Variants in RGS6 observed in about 807,000 individuals in gnomAD.
RGS6 encodes regulator of G-protein signaling 6.
In RGS6, 30 loss-of-function variants were observed where a neutral mutation model predicts 78.5. That is an observed-to-expected ratio of 0.38 (90% CI 0.29 to 0.52). The LOEUF (loss-of-function observed/expected upper bound fraction) is 0.52, where lower values mean the gene tolerates loss of function less well. RGS6 is among the 20% of genes least tolerant of loss of function. RGS6 has a pLI of 0.85. For synonymous variants in RGS6, 206 were observed against 206.0 expected (o/e 1.00, Z 0.00); for missense variants, 495 against 609.7 (o/e 0.81, Z 1.98).
At chr14:71,886,859 A>G in the RGS6 span, among the ~76,000 whole-genome samples, 2,159 of 152,166 alleles carry the variant, frequency 0.014, 56 homozygotes, top group African/African-American at 0.049. Flanking sequence ...GGACACCTCA[A>G]TGCAAGAGAT....
chr14:72,278,612 A>C (rs2061074487), intron 2 of RGS6, among the ~76,000 whole-genome samples: 1 of 152,176 alleles, frequency 6.6e-6, no homozygotes, highest in Admixed American at 6.5e-5. Context: ...ATATACATTT[A>C]TATATGTTTT....
the RGS6 span, among the ~76,000 whole-genome samples, chr14:71,905,147 C>T: frequency 6.6e-6 from 1 of 152,188 alleles, no homozygotes; most frequent in Non-Finnish European, 1.5e-5. Context: ...TCACTCTCTG[C>T]CCTTGATCAG....
chr14:71,977,187 G>A (rs1360796422), intron 2 of RGS6, among the ~76,000 whole-genome samples: 39 of 100,706 alleles, frequency 3.9e-4, no homozygotes, highest in Middle Eastern at 4.5e-3. Context: ...AGTAGGTTGC[G>A]AAAATTTTCT....
At chr14:72,028,255 G>A (rs974570430) in intron 2 of RGS6, among the ~76,000 whole-genome samples, 1 of 152,160 alleles carries the variant, frequency 6.6e-6, no homozygotes, top group Non-Finnish European at 1.5e-5. Context: ...GATATGTTCT[G>A]CGTGTTCACA....
intron 17 of RGS6, among the ~76,000 whole-genome samples, chr14:72,551,497 G>A (rs1050501435): frequency 1.3e-5 from 2 of 152,178 alleles, no homozygotes; most frequent in East Asian, 1.9e-4. Context: ...TGTCAAAAAC[G>A]TGGCAGGGAC....
chr14:71,910,498 G>A, the RGS6 span, among the ~76,000 whole-genome samples: 6 of 152,168 alleles, frequency 3.9e-5, no homozygotes, highest in Non-Finnish European at 7.3e-5. Context: ...ACTGCTTTGA[G>A]TCACCTTTCA....
chr14:72,000,902 T>G (rs1167982358), intron 2 of RGS6, among the ~76,000 whole-genome samples: 2 of 152,194 alleles, frequency 1.3e-5, no homozygotes, highest in Non-Finnish European at 2.9e-5. Context: ...AATTTGTGGC[T>G]TGTTTTAAAG....
chr14:72,240,924 C>T (rs1032869772), intron 2 of RGS6, among the ~76,000 whole-genome samples: 4 of 152,114 alleles, frequency 2.6e-5, no homozygotes, highest in Middle Eastern at 3.4e-3. Context: ...TTTGGGAGGC[C>T]GAGGCAGGTG....
chr14:72,267,565 C>T (rs1369292560), intron 2 of RGS6, among the ~76,000 whole-genome samples: 2 of 152,206 alleles, frequency 1.3e-5, no homozygotes, highest in African/African-American at 4.8e-5. Flanking sequence ...ATTCCAGGCT[C>T]AGAGTTACAG....
chr14:71,913,117 G>A, the RGS6 span, among the ~76,000 whole-genome samples: 1,084 of 152,150 alleles, frequency 7.1e-3, 19 homozygotes, highest in African/African-American at 0.023. Context: ...GTGAGCCACC[G>A]CGCCTGGCCT....
chr14:72,116,128 A>C (rs1476556354), intron 2 of RGS6, among the ~76,000 whole-genome samples: 1 of 152,244 alleles, frequency 6.6e-6, no homozygotes, highest in Non-Finnish European at 1.5e-5. Flanking sequence ...ACCTAAACAT[A>C]AATGGGCATG....
At chr14:72,350,909 A>G (rs1012516115) in intron 2 of RGS6, among the ~76,000 whole-genome samples, 2 of 152,174 alleles carry the variant, frequency 1.3e-5, no homozygotes, top group African/African-American at 4.8e-5. Flanking sequence ...CACATAATAA[A>G]TTTTTAATAT....
intron 7 of RGS6, among the ~76,000 whole-genome samples, chr14:72,469,293 A>G (rs1597967215): frequency 7.2e-6 from 1 of 138,794 alleles, no homozygotes; most frequent in Non-Finnish European, 1.5e-5. Flanking sequence ...CAACCTCCCC[A>G]CCTCCCGGGT....
chr14:71,947,548 G>C (rs557540186), intron 1 of RGS6, among the ~76,000 whole-genome samples: 1 of 152,072 alleles, frequency 6.6e-6, no homozygotes, highest in Non-Finnish European at 1.5e-5. Flanking sequence ...GCAGTGGCGT[G>C]GTGTTGGCTC....
chr14:72,073,972 G>C (rs1451451161), intron 2 of RGS6, among the ~76,000 whole-genome samples: 3 of 151,994 alleles, frequency 2.0e-5, no homozygotes, highest in Non-Finnish European at 4.4e-5. Context: ...TGTTTTCTTG[G>C]CTTTGTTTAA....
chr14:71,942,211 A>G (rs1052976656), intron 1 of RGS6, among the ~76,000 whole-genome samples: 1 of 152,200 alleles, frequency 6.6e-6, no homozygotes, highest in African/African-American at 2.4e-5. Flanking sequence ...ATTAAATTGA[A>G]CATTAAACCT....
At chr14:72,571,077 G>T (rs1353600894), downstream of RGS6, among the ~76,000 whole-genome samples, 1 of 152,114 alleles carries the variant, frequency 6.6e-6, no homozygotes, top group Non-Finnish European at 1.5e-5. Flanking sequence ...AAATTAGAGG[G>T]TCCTGTGATG....
At chr14:72,605,931 A>G in the RGS6 span, among the ~76,000 whole-genome samples, 20 of 152,230 alleles carry the variant, frequency 1.3e-4, no homozygotes, top group African/African-American at 4.8e-4. Context: ...AAGCAGCAGA[A>G]CCACCAATAG....
At chr14:72,290,977 A>G (rs574310428) in intron 2 of RGS6, among the ~76,000 whole-genome samples, 3 of 152,206 alleles carry the variant, frequency 2.0e-5, no homozygotes, top group East Asian at 3.9e-4. Context: ...TGGAGTGAGT[A>G]TCCCTCTGGC....
Sources: gnomAD v4.1 joint callset for allele counts (sites outside exome capture counted in the v4.1 genomes callset) on GRCh38, gnomAD v4.1.1 for gene constraint, MANE v1.5 for transcripts, NCBI Gene and HGNC (gene_info 2026-07-23, HGNC 2026-07-21) for gene names.